SUFU: variants seen among roughly 807,000 people sequenced by gnomAD.
SUFU encodes SUFU negative regulator of hedgehog signaling.
In SUFU, 7 loss-of-function variants were observed where a neutral mutation model predicts 58.9. The ratio of observed to expected loss-of-function variants is 0.12; its 90% CI spans 0.07 to 0.22. The LOEUF (loss-of-function observed/expected upper bound fraction) is 0.22. Among genes scored for constraint, SUFU ranks in the 10% least tolerant of loss-of-function variants. The pLI is 1.00. For missense variants in SUFU, 451 were observed against 641.3 expected, an observed-to-expected ratio of 0.70 and a Z score of 3.20; for synonymous variants, 232 against 254.8, an observed-to-expected ratio of 0.91 and a Z score of 0.85.
rs2063824214 is a variant in SUFU, at chr10:102,630,086, C to T, written c.1386C>T (p.Tyr462=). 6.2e-7 allele frequency: 1 copy of T among 1,614,066 alleles called. No individual in the cohort carries two copies. Among genetic ancestry groups the T allele is most frequent in the African/African-American group, 1.3e-5 (1 of 74,928 alleles). ...SPEEFKLPKE[Y]SWPEKKLKVS... ...CACAGTTCAAACTTCCCAAAGAGTA[C>T]AGCTGGCCTGAAAAGAAGCTGAAGG... Residue 462 remains tyrosine (Y), a synonymous_variant, in exon 12 of 12, where the codon TAC becomes TAT. Coordinates refer to ENST00000369902, the MANE Select transcript of SUFU (RefSeq NM_016169.4).
At chr10:102,539,600 G>A (rs2062777066) in intron 2 of SUFU, among the ~76,000 whole-genome samples, 1 of 151,954 alleles carries the variant, frequency 6.6e-6, no homozygotes, top group Non-Finnish European at 1.5e-5. Context: ...GATGATTCTT[G>A]CCTGAATTAT....
chr10:102,510,991 C>A (rs1343911258), intron 2 of SUFU, among the ~76,000 whole-genome samples: 1 of 150,208 alleles, frequency 6.7e-6, no homozygotes, highest in African/African-American at 2.5e-5. Context: ...CGTGGTGGCA[C>A]ATGCCTGTAA....
chr10:102,584,541 T>A (rs1352898973), intron 3 of SUFU, among the ~76,000 whole-genome samples: 1 of 152,198 alleles, frequency 6.6e-6, no homozygotes, highest in Non-Finnish European at 1.5e-5. Flanking sequence ...CTTTAAACCT[T>A]GAACAGCTCT....
intron 2 of SUFU, among the ~76,000 whole-genome samples, chr10:102,511,975 G>A (rs972538094): frequency 5.3e-5 from 8 of 152,230 alleles, no homozygotes; most frequent in African/African-American, 1.2e-4. Flanking sequence ...GCCTCCCAGA[G>A]TGTTGGGATT....
chr10:102,602,721 G>T (rs759510120), intron 8 of SUFU, among the ~76,000 whole-genome samples: 2 of 152,104 alleles, frequency 1.3e-5, no homozygotes, highest in Non-Finnish European at 2.9e-5. Context: ...AGAAAGGCAG[G>T]CCCCCTGGGT....
At chr10:102,624,614 T>C (rs949930553) in intron 10 of SUFU, among the ~76,000 whole-genome samples, 2 of 152,210 alleles carry the variant, frequency 1.3e-5, no homozygotes, top group Non-Finnish European at 2.9e-5. Flanking sequence ...GTCCTCATTT[T>C]TGATCTGGCC....
Position 102,619,116 on chromosome 10 carries a change from G to T in SUFU, c.1296+1688G>T. 1 of 1,612,662 alleles carries T rather than the reference G, an allele frequency of 6.2e-7. No homozygotes were observed. ...CCCTCCCGTCCTGGAACGTCTTTCTGCCCTGAGGAGAGGGTAGTCAGCATC... is the reference window on the plus strand; with the variant it reads ...CCCTCCCGTCCTGGAACGTCTTTCTTCCCTGAGGAGAGGGTAGTCAGCATC... On this transcript the variant is annotated intron_variant, in intron 10 of 11. Coordinates refer to ENST00000369902, the MANE Select transcript of SUFU (RefSeq NM_016169.4). This position sits in a 1 kb window ranked among gnomAD's most constrained non-coding sequence, Gnocchi z 4.2.
At chr10:102,569,297 A>G (rs1164018913) in intron 3 of SUFU, among the ~76,000 whole-genome samples, 3 of 152,082 alleles carry the variant, frequency 2.0e-5, no homozygotes, top group Admixed American at 6.6e-5. Context: ...AGTCATGGCC[A>G]TTTGGCAGTC....
chr10:102,627,879 G>T (rs757789647), intron 11 of SUFU, among the ~76,000 whole-genome samples: 1 of 152,050 alleles, frequency 6.6e-6, no homozygotes, highest in Admixed American at 6.6e-5. Context: ...CCTTGTTCCC[G>T]GCATCCTTAT....
At position 102,562,511 on chromosome 10, in the gene SUFU, A is replaced by C. The variant is rs2063048672; in HGVS notation, c.454+12405A>C. The stretch of plus-strand genomic sequence containing the variant: ...ACAGTCTAGCCTGGGCAACAGAGCG[A>C]GACTCTGTCTCAAAAACAACAACAA... On this transcript the variant is annotated intron_variant, in intron 3 of 11. Coordinates refer to ENST00000369902, the MANE Select transcript of SUFU (RefSeq NM_016169.4). 2.0e-5 allele frequency among the ~76,000 whole-genome samples: 3 copies of C among 152,074 alleles called. No homozygotes were observed. The South Asian group carries it at 6.2e-4, about 32-fold the overall frequency.
At chr10:102,602,041 TGGG>T (rs1296750265) in intron 8 of SUFU, among the ~76,000 whole-genome samples, 2 of 152,256 alleles carry the variant, frequency 1.3e-5, no homozygotes, top group East Asian at 3.9e-4. Context: ...CCGGCCTACT[TGGG>T]GGTGTCAAGC....
At chr10:102,598,224 C>T (rs1054722498) in intron 7 of SUFU, among the ~76,000 whole-genome samples, 6 of 151,890 alleles carry the variant, frequency 4.0e-5, no homozygotes, top group Non-Finnish European at 7.4e-5. Context: ...TTGATCTTGG[C>T]TCACTGCAAC....
At chr10:102,598,564 G>A (rs1564699442) in intron 7 of SUFU, among the ~76,000 whole-genome samples, 1 of 152,166 alleles carries the variant, frequency 6.6e-6, no homozygotes, top group African/African-American at 2.4e-5. Context: ...TGACAAAAGA[G>A]GTGATTTAAA....
At chr10:102,581,165 G>C (rs2063273149) in intron 3 of SUFU, among the ~76,000 whole-genome samples, 1 of 118,666 alleles carries the variant, frequency 8.4e-6, no homozygotes. Context: ...GGGCGACAGA[G>C]AGAGACTCTG....
intron 2 of SUFU, among the ~76,000 whole-genome samples, chr10:102,515,085 C>T (rs180712569): frequency 2.0e-5 from 3 of 152,300 alleles, no homozygotes; most frequent in African/African-American, 2.4e-5. Context: ...TTCTGCACCC[C>T]CCGTGGGGTC....
chr10:102,511,441 G>A (rs966425697), intron 2 of SUFU, among the ~76,000 whole-genome samples: 9 of 151,960 alleles, frequency 5.9e-5, no homozygotes, highest in Admixed American at 3.9e-4. Context: ...AGCAGGACTC[G>A]TCCTGTCCTG....
chr10:102,572,582 G>A (rs933949886), intron 3 of SUFU, among the ~76,000 whole-genome samples: 2 of 151,656 alleles, frequency 1.3e-5, no homozygotes, highest in Non-Finnish European at 2.9e-5. Flanking sequence ...TACAGATGGG[G>A]TTTTGCCATC....
intron 10 of SUFU, among the ~76,000 whole-genome samples, chr10:102,623,502 A>G (rs1305080867): frequency 6.6e-6 from 1 of 152,222 alleles, no homozygotes; most frequent in African/African-American, 2.4e-5. Context: ...GTCATTGGTA[A>G]AAACCAAAGC....
intron 2 of SUFU, among the ~76,000 whole-genome samples, chr10:102,540,978 C>T (rs1463304627): frequency 1.3e-5 from 2 of 151,842 alleles, no homozygotes; most frequent in East Asian, 1.9e-4. Context: ...TCAGAGATCG[C>T]GCCATTGCAC....
Sources: gnomAD v4.1 joint callset for allele counts (sites outside exome capture counted in the v4.1 genomes callset) on GRCh38, gnomAD v4.1.1 for gene constraint, Gnocchi (gnomAD v3.1) non-coding constraint, MANE v1.5 for transcripts, NCBI Gene and HGNC (gene_info 2026-07-23, HGNC 2026-07-21) for gene names.